The following TCF7L2 variants were observed in gnomAD, a reference collection of about 807,000 sequenced individuals.
TCF7L2 encodes the protein transcription factor 7 like 2.
A neutral mutation model predicts 77.9 loss-of-function variants in TCF7L2; 23 were observed. That is an observed-to-expected ratio of 0.30 (90% confidence interval 0.21 to 0.42). The LOEUF is 0.42. TCF7L2 is among the 10% of genes least tolerant of loss of function. The probability of loss-of-function intolerance (pLI) is 1.00; values close to 1 mark genes in which losing one functional copy is unlikely to be tolerated. For missense variants in TCF7L2, 654 were observed against 793.1 expected (o/e 0.82, Z 2.11); for synonymous variants, 413 against 340.2 (o/e 1.21, Z -2.36).
intron 5 of TCF7L2, among the ~76,000 whole-genome samples, chr10:113,106,916 G>T (rs901847801): frequency 6.6e-6 from 1 of 152,332 alleles, no homozygotes; most frequent in Admixed American, 6.5e-5. Flanking sequence ...AACTTGAAAA[G>T]TATATAGGTT....
Position 113,166,262 on chromosome 10 carries a change from C to G in TCF7L2, c.*290C>G, listed in dbSNP as rs2137662419. On this transcript the variant is annotated 3_prime_UTR_variant, in exon 14 of 14. Transcript: ENST00000627217. ...TTAAAAAATATATATATATACATAA[C>G]TGTTATGTAGTTCGGATAGCTTAGT... 2 of 290,696 alleles carry G rather than the reference C, an allele frequency of 6.9e-6. No individual in the cohort carries two copies. Among genetic ancestry groups the G allele is most frequent in the East Asian group, 5.3e-5 (1 of 19,006 alleles). The allele number at this position is 290,696 out of a possible 1,614,324, so 18.0% of individuals were successfully genotyped here.
chr10:112,995,061 A>G (rs976863011), intron 4 of TCF7L2, among the ~76,000 whole-genome samples: 5 of 152,038 alleles, frequency 3.3e-5, no homozygotes, highest in African/African-American at 9.7e-5. Flanking sequence ...AGATCATGCC[A>G]TTGCACTCCA....
intron 5 of TCF7L2, among the ~76,000 whole-genome samples, chr10:113,049,194 C>G (rs956212517): frequency 6.6e-6 from 1 of 152,024 alleles, no homozygotes; most frequent in African/African-American, 2.4e-5. Context: ...GCTGCCCCCC[C>G]GCCCCCTGAC....
chr10:112,986,316 C>CT (rs1229914422), intron 4 of TCF7L2, among the ~76,000 whole-genome samples: 1 of 152,096 alleles, frequency 6.6e-6, no homozygotes, highest in Non-Finnish European at 1.5e-5. Flanking sequence ...TTGTTTCGCT[C>CT]TGAGAGTACA....
At chr10:113,045,896 T>A (rs1207275357) in intron 5 of TCF7L2, among the ~76,000 whole-genome samples, 3 of 152,202 alleles carry the variant, frequency 2.0e-5, no homozygotes, top group Admixed American at 2.0e-4. Flanking sequence ...TCAGGGTGTC[T>A]GTGTTGTCTA....
chr10:112,983,765 G>C (rs530639603), intron 4 of TCF7L2, among the ~76,000 whole-genome samples: 2 of 152,316 alleles, frequency 1.3e-5, no homozygotes, highest in African/African-American at 4.8e-5. Flanking sequence ...TGCCTGTGTC[G>C]TATGGGAGAA....
At chr10:113,089,116 G>T (rs2060118448) in intron 5 of TCF7L2, among the ~76,000 whole-genome samples, 1 of 152,164 alleles carries the variant, frequency 6.6e-6, no homozygotes, top group Non-Finnish European at 1.5e-5. Context: ...AGAGGAAGGG[G>T]AGGCCATGCC....
chr10:112,987,888 AT>A (rs1161401138), intron 4 of TCF7L2: 2 of 151,040 alleles, frequency 1.3e-5, no homozygotes, highest in East Asian at 3.9e-4. Flanking sequence ...CCATGAAAAA[AT>A]AAATAAATAA....
intron 4 of TCF7L2, among the ~76,000 whole-genome samples, chr10:112,996,885 G>A (rs1043096156): frequency 6.6e-6 from 1 of 152,202 alleles, no homozygotes; most frequent in Non-Finnish European, 1.5e-5. Context: ...GGGACTGCAG[G>A]GAGACTGTGC....
chr10:113,159,890 T>A, intron 12 of TCF7L2, 30 bp from the exon 14 acceptor site: 6 of 1,256,974 alleles, frequency 4.8e-6, no homozygotes, highest in Non-Finnish European at 6.4e-6. Context: ...GTTCTCCTCC[T>A]CTGCTCGCTT....
chr10:113,167,138 T>A lies in TCF7L2; in HGVS notation c.*1166T>A. On this transcript the variant is annotated 3_prime_UTR_variant, in exon 14 of 14. Coordinates refer to ENST00000627217, the MANE Select transcript of TCF7L2 (RefSeq NM_001146274.2). ...TGCTGTAATTTTTGTTCATCATGTT[T>A]TGCTGTGATGTTACATAGGTAGATT... 4.4e-6 allele frequency: 1 copy of A among 229,568 alleles called. No individual in the cohort carries two copies. The highest frequency in any genetic ancestry group is 6.2e-5 in the East Asian group (1 of 16,028). 14.2% of individuals were successfully genotyped at this position (229,568 alleles called of 1,614,324 possible). A position where few individuals can be genotyped will look rare whatever the true frequency, so the allele number is the denominator to read the frequency against.
At chr10:113,056,072 C>A (rs115081960) in intron 5 of TCF7L2, among the ~76,000 whole-genome samples, 1 of 152,186 alleles carries the variant, frequency 6.6e-6, no homozygotes, top group African/African-American at 2.4e-5. Flanking sequence ...ATAAATAATT[C>A]TTGGTCACAT....
intron 4 of TCF7L2, among the ~76,000 whole-genome samples, chr10:113,005,786 A>G (rs1303128604): frequency 1.3e-5 from 2 of 152,224 alleles, no homozygotes; most frequent in East Asian, 3.9e-4. Flanking sequence ...AAGGAAGGAA[A>G]GAAAAAAAAA....
At chr10:113,157,352 A>G (rs1415610201) in intron 11 of TCF7L2, among the ~76,000 whole-genome samples, 1 of 152,188 alleles carries the variant, frequency 6.6e-6, no homozygotes, top group Non-Finnish European at 1.5e-5. Context: ...TCCTGACTTC[A>G]GGTGATCCTC....
At chr10:113,083,912 A>C (rs1284894572) in intron 5 of TCF7L2, among the ~76,000 whole-genome samples, 1 of 152,150 alleles carries the variant, frequency 6.6e-6, no homozygotes, top group South Asian at 2.1e-4. Flanking sequence ...TCTAGGCTTT[A>C]GTTTCAGCTC....
rs2030733334 is a variant in TCF7L2, at chr10:112,950,790, C to A, written c.34C>A (p.Leu12Ile). The A allele has an allele frequency of 6.3e-7, 1 of 1,586,462 alleles. No individual in the cohort carries two copies. The highest frequency in any genetic ancestry group is 8.6e-7 in the Non-Finnish European group (1 of 1,164,656). ...GCTGAACGGCGGTGGAGGGGATGACCTAGGCGCCAACGACGAACTGATTTC... is the reference window on the plus strand; with the variant it reads ...GCTGAACGGCGGTGGAGGGGATGACATAGGCGCCAACGACGAACTGATTTC... The change falls in exon 1 of 14, where the codon CTA (leucine) becomes ATA (isoleucine). Residue 12 changes from leucine to isoleucine, a missense_variant. Leu to Ile is a conservative substitution (Grantham distance 5). Transcript: ENST00000627217.
intron 4 of TCF7L2, among the ~76,000 whole-genome samples, chr10:112,995,304 A>G (rs2043266803): frequency 6.6e-6 from 1 of 152,266 alleles, no homozygotes; most frequent in African/African-American, 2.4e-5. Flanking sequence ...TTTTGTTTCA[A>G]GCAAACCACA....
intron 4 of TCF7L2, among the ~76,000 whole-genome samples, 153 bp downstream of exon 4, chr10:112,964,777 GAT>G (rs2036204164): frequency 1.4e-5 from 2 of 141,092 alleles, no homozygotes; most frequent in African/African-American, 5.6e-5. Context: ...TGGTGGTGGT[GAT>G]GGTGGTGGTG....
At chr10:113,131,150 G>A (rs116754779) in intron 5 of TCF7L2, among the ~76,000 whole-genome samples, 3,308 of 152,256 alleles carry the variant, frequency 0.022, 107 homozygotes, top group African/African-American at 0.074. Flanking sequence ...TATTTGTGAT[G>A]TTATTGTATG....
Sources: gnomAD v4.1 joint callset for allele counts (sites outside exome capture counted in the v4.1 genomes callset) on GRCh38, gnomAD v4.1.1 for gene constraint, MANE v1.5 for transcripts, NCBI Gene and HGNC (gene_info 2026-07-23, HGNC 2026-07-21) for gene names.